RPLP2: variants seen among roughly 807,000 people sequenced by gnomAD.
The protein encoded by RPLP2 is large ribosomal subunit protein P2.
RPLP2 carries 1 observed loss-of-function variant against 11.5 expected under a neutral mutation model. That is an observed-to-expected ratio of 0.09 (90% CI 0.03 to 0.41). The LOEUF is 0.41. Ranked by LOEUF, RPLP2 falls within the 10% of genes least tolerant of loss-of-function variation. RPLP2 has a pLI of 0.98. For missense variants in RPLP2, 177 were observed against 145.6 expected (o/e 1.22, Z -1.11); for synonymous variants, 82 against 55.9 (o/e 1.47, Z -2.08).
intron 4 of RPLP2, 23 bp downstream of exon 4, chr11:812,656 G>C: frequency 6.2e-7 from 1 of 1,611,250 alleles, no homozygotes; most frequent in Non-Finnish European, 8.5e-7. Context: ...CTGGTGAGTG[G>C]GCAAGGGGCT....
At position 810,278 on chromosome 11, in the gene RPLP2, ACTC is replaced by A. The variant is rs747052106; in HGVS notation, c.49_51del (p.Ser17del). 2.5e-6 allele frequency: 4 copies of A among 1,606,218 alleles called. No individual in the cohort carries two copies. In the South Asian group the frequency reaches 3.3e-5, roughly 13 times the overall value. On this transcript the variant is annotated inframe_deletion, in exon 2 of 5. Transcript: ENST00000321153. ...TACCTGCTGGCTGCCCTAGGGGGCA[ACTC>A]CTCCCCCAGCGCCAAGGACATCAAG...
Position 812,772 on chromosome 11 carries a change from A to C in RPLP2, c.284A>C (p.Lys95Thr). ...GSAPAAAEEKKDEKKEESEES... is the reference protein window; with the variant it reads ...GSAPAAAEEKTDEKKEESEES... ...CTCTGTTCCACAGCAGAGGAGAAGA[A>C]AGATGAGAAGAAGGAGGAGTCTGAA... The change falls in exon 5 of 5, where the codon AAA (lysine) becomes ACA (threonine). Residue 95 changes from lysine (K) to threonine (T), a missense_variant. By Grantham distance (78) the Lys-to-Thr change is moderately conservative. Transcript: ENST00000321153. 1 of 1,613,930 alleles carries C rather than the reference A, an allele frequency of 6.2e-7. No homozygotes were observed. The highest frequency in any genetic ancestry group is 8.5e-7 in the Non-Finnish European group (1 of 1,179,970).
chr11:812,769 A>C lies in RPLP2; in HGVS notation c.281A>C (p.Lys94Thr). 1 of 1,613,598 alleles carries C rather than the reference A, an allele frequency of 6.2e-7. No individual in the cohort carries two copies. Among genetic ancestry groups the C allele is most frequent in the Non-Finnish European group, 8.5e-7 (1 of 1,179,638 alleles). Residue 94 changes from lysine to threonine, a missense_variant, in exon 5 of 5, where the codon AAG becomes ACG. Physicochemically the swap from Lys to Thr is moderately conservative, Grantham distance 78. Transcript: ENST00000321153. ...AGSAPAAAEE[K>T]KDEKKEESEE... ...CTCCTCTGTTCCACAGCAGAGGAGA[A>C]GAAAGATGAGAAGAAGGAGGAGTCT...
chr11:811,654 A>G lies in RPLP2; in HGVS notation c.172+9A>G. ...AGACGTCATTGCCCAGGGTGAGTTG[A>G]TGTGGACGGGCTTTCGTTTGTTTTC... On this transcript the variant is annotated intron_variant, in intron 3 of 4. Coordinates refer to ENST00000321153, the MANE Select transcript of RPLP2 (RefSeq NM_001004.4). 6.2e-7 allele frequency: 1 copy of G among 1,614,206 alleles called. No individual in the cohort carries two copies. The highest frequency in any genetic ancestry group is 8.5e-7 in the Non-Finnish European group (1 of 1,180,036).
At chr11:812,230 C>T (rs1316247643) in intron 3 of RPLP2, 2 of 458,660 alleles carry the variant, frequency 4.4e-6, no homozygotes, top group Non-Finnish European at 8.1e-6. Context: ...ACACTCATTC[C>T]CTACCTAGTT....
intron 2 of RPLP2, among the ~76,000 whole-genome samples, chr11:811,082 C>T (rs546767930): frequency 2.0e-5 from 3 of 151,250 alleles, no homozygotes; most frequent in South Asian, 2.1e-4. Flanking sequence ...GAGGCTGATG[C>T]GGGAGAATCA....
chr11:811,840 C>G, intron 3 of RPLP2, 195 bp downstream of exon 3: 1 of 790,038 alleles, frequency 1.3e-6, no homozygotes, highest in Non-Finnish European at 2.3e-6. Flanking sequence ...CAGGGGGCAC[C>G]CTGTGTTCTC....
In RPLP2 at chr11:812,516, A is replaced by T. The variant is rs947239575; in HGVS notation, c.173-19A>T. 6 of 1,607,706 alleles carry T rather than the reference A, an allele frequency of 3.7e-6. No individual in the cohort carries two copies. In the African/African-American group the frequency reaches 6.7e-5, roughly 18 times the overall value. Reference sequence around the variant, plus strand: ...CAGGCTGGGCAGCTGCTCTGGTCTCACCTCTCTGCTTTCTGTAGGTATTGG... The same window carrying T: ...CAGGCTGGGCAGCTGCTCTGGTCTCTCCTCTCTGCTTTCTGTAGGTATTGG... On this transcript the variant is annotated intron_variant, in intron 3 of 4. Transcript: ENST00000321153.
intron 2 of RPLP2, 176 bp from the exon 3 acceptor site, chr11:811,421 T>G: frequency 1.5e-6 from 1 of 659,694 alleles, no homozygotes; most frequent in African/African-American, 1.8e-5. Flanking sequence ...TAGTGTCCAT[T>G]TATTTTTATA....
At chr11:812,657 G>C in intron 4 of RPLP2, 24 bp downstream of exon 4, 3 of 1,611,142 alleles carry the variant, frequency 1.9e-6, no homozygotes, top group Non-Finnish European at 2.5e-6. Context: ...TGGTGAGTGG[G>C]CAAGGGGCTG....
chr11:811,830 C>T, intron 3 of RPLP2, 185 bp downstream of exon 3: 1 of 806,578 alleles, frequency 1.2e-6, no homozygotes, highest in Non-Finnish European at 2.2e-6. Context: ...AGCAGGGCAG[C>T]AGGGGGCACC....
At chr11:811,554 A>G in intron 2 of RPLP2, 43 bp from the exon 3 acceptor site, 1 of 1,613,562 alleles carries the variant, frequency 6.2e-7, no homozygotes. Context: ...CCGGGGATAC[A>G]ATCGTACATT....
chr11:810,119 T>G (rs1865977480), intron 1 of RPLP2, 80 bp downstream of exon 1: 1 of 1,261,242 alleles, frequency 7.9e-7, no homozygotes, highest in Non-Finnish European at 1.0e-6. Context: ...CGGGGTATTT[T>G]TGGGACGGAG....
chr11:811,258 G>C (rs1455533556), intron 2 of RPLP2: 1 of 357,924 alleles, frequency 2.8e-6, no homozygotes, highest in East Asian at 6.3e-5. Context: ...GGGAGGTCAA[G>C]GCTGCAGTGA....
At chr11:810,734 A>T (rs1444171048) in intron 2 of RPLP2, among the ~76,000 whole-genome samples, 1 of 151,214 alleles carries the variant, frequency 6.6e-6, no homozygotes, top group East Asian at 1.9e-4. Context: ...TGGAGGTTGC[A>T]CGGATCGTGC....
chr11:810,338 A>T lies in RPLP2; in HGVS notation c.104A>T (p.Asp35Val). 1 of 1,607,622 alleles carries T rather than the reference A, an allele frequency of 6.2e-7. No individual in the cohort carries two copies. The highest frequency in any genetic ancestry group is 2.3e-5 in the East Asian group (1 of 44,188). The change falls in exon 2 of 5, where the codon GAC becomes GTC. Residue 35 changes from aspartate to valine, a missense_variant. Physicochemically the swap from Asp to Val is radical, Grantham distance 152 (BLOSUM62 -3). Transcript: ENST00000321153. ...TTGGACAGCGTGGGTATCGAGGCGG[A>T]CGACGACCGGCTCAACAAGGTAGCG... ...KILDSVGIEA[D>V]DDRLNKVISE...
In RPLP2 at chr11:812,824, C is replaced by G; in HGVS notation, c.336C>G (p.Gly112=). The G allele has an allele frequency of 6.2e-7, 1 of 1,613,180 alleles. No individual in the cohort carries two copies. The highest frequency in any genetic ancestry group is 8.5e-7 in the Non-Finnish European group (1 of 1,179,952). Residue 112 remains glycine (G), a synonymous_variant, in exon 5 of 5, where the codon GGC becomes GGG. Coordinates refer to ENST00000321153, the MANE Select transcript of RPLP2 (RefSeq NM_001004.4). ...AGTCAGATGATGACATGGGATTTGG[C>G]CTTTTTGATTAAATTCCTGCTCCCC... ...SEESDDDMGF[G]LFD
In RPLP2 at chr11:812,652, A is replaced by G. The variant is rs961479318; in HGVS notation, c.271+19A>G. On this transcript the variant is annotated intron_variant, in intron 4 of 4. Transcript: ENST00000321153. ...GCTGCAGGTAAGTGGTGGCCTGGTG[A>G]GTGGGCAAGGGGCTGGGGCTCAGAC... The G allele has an allele frequency of 3.1e-6, 5 of 1,610,856 alleles. No homozygotes were observed. The African/African-American group carries it at 6.7e-5, about 22-fold the overall frequency.
chr11:811,802 C>T (rs540485093), intron 3 of RPLP2, 157 bp downstream of exon 3: 28 of 894,040 alleles, frequency 3.1e-5, no homozygotes, highest in Admixed American at 3.0e-4. Context: ...GTCATGGGCA[C>T]TTCTAGACAC....
Sources: allele counts gnomAD v4.1 joint callset (sites outside exome capture counted in the v4.1 genomes callset), GRCh38; gene constraint gnomAD v4.1.1; transcripts MANE v1.5; gene names NCBI Gene and HGNC (gene_info 2026-07-23, HGNC 2026-07-21).